Variants in AQR observed in about 807,000 individuals in gnomAD.
The protein encoded by AQR is RNA helicase aquarius.
Under a neutral mutation model 180.5 loss-of-function variants are expected in AQR, and 61 were observed. The ratio of observed to expected loss-of-function variants is 0.34; its 90% CI spans 0.28 to 0.42. AQR has a LOEUF of 0.42. Ranked by LOEUF, AQR falls within the 10% of genes least tolerant of loss-of-function variation. The pLI is 1.00. For synonymous variants in AQR, 551 were observed against 588.8 expected, an observed-to-expected ratio of 0.94 and a Z score of 0.93; for missense variants, 1,281 against 1,798.3, an observed-to-expected ratio of 0.71 and a Z score of 5.20.
At chr15:34,959,144 A>G (rs1204889417) in intron 3 of AQR, among the ~76,000 whole-genome samples, 2 of 152,120 alleles carry the variant, frequency 1.3e-5, no homozygotes, top group Admixed American at 6.6e-5. Context: ...GCTAATACAA[A>G]GTAGGCTCAA....
At position 34,860,096 on chromosome 15, in the gene AQR, G is replaced by C. The variant is rs1892648869; in HGVS notation, c.4089C>G (p.Asn1363Lys). Residue 1363 changes from asparagine (N) to lysine (K), a missense_variant, in exon 34 of 35, where the codon AAC (asparagine) becomes AAG (lysine). Coordinates refer to ENST00000156471, the MANE Select transcript of AQR (RefSeq NM_014691.3). ...QIIKNMPQMA[N>K]FVYNMYMHLI... Reference sequence around the variant, plus strand: ...AATGCATGTACATGTTGTATACAAAGTTTGCCATCTGGGGCATATTTTTTA... The same window carrying C: ...AATGCATGTACATGTTGTATACAAACTTTGCCATCTGGGGCATATTTTTTA... 6.6e-7 allele frequency: 1 copy of C among 1,525,322 alleles called. No homozygotes were observed. The highest frequency in any genetic ancestry group is 1.8e-5 in the Admixed American group (1 of 56,244). The allele number at this position is 1,525,322 out of a possible 1,614,324, so 94.5% of individuals were successfully genotyped here.
Position 34,969,689 on chromosome 15 carries a change from TAA to T in AQR, c.-78_-77del. ...AGCGGCAACCCTGGTCCACTTCCCT[TAA>T]GTTACTGCCGGGGCGCTTAACTCCG... On this transcript the variant is annotated 5_prime_UTR_variant, in exon 1 of 35. Transcript: ENST00000156471. 6.9e-7 allele frequency: 1 copy of T among 1,455,784 alleles called. No homozygotes were observed. The highest frequency in any genetic ancestry group is 9.3e-7 in the Non-Finnish European group (1 of 1,075,392). The allele number at this position is 1,455,784 out of a possible 1,614,324, so 90.2% of individuals were successfully genotyped here.
At chr15:34,860,452 A>T (rs748649184) in intron 33 of AQR, among the ~76,000 whole-genome samples, 5 of 152,046 alleles carry the variant, frequency 3.3e-5, no homozygotes, top group Non-Finnish European at 7.4e-5. Context: ...ATTCCATTGA[A>T]ATTTAGAAAG....
chr15:34,964,193 T>C (rs1340395151), intron 2 of AQR, 41 bp downstream of exon 2: 7 of 1,369,250 alleles, frequency 5.1e-6, no homozygotes, highest in African/African-American at 2.8e-5. Context: ...TTAAAAGGAG[T>C]GTAACTTCTC....
At chr15:34,894,230 GA>G (rs1325505599) in intron 22 of AQR, among the ~76,000 whole-genome samples, 3 of 143,922 alleles carry the variant, frequency 2.1e-5, no homozygotes, top group Admixed American at 6.9e-5. Context: ...AAAAAGCAAA[GA>G]AAAAAAAAAG....
intron 13 of AQR, among the ~76,000 whole-genome samples, chr15:34,924,789 T>C (rs943370708): frequency 6.6e-6 from 1 of 152,162 alleles, no homozygotes; most frequent in African/African-American, 2.4e-5. Context: ...TTTTTATTTC[T>C]ACTATAGTGA....
At chr15:34,884,407 AAAAAAAACAAAAAAAC>A (rs368049142) in intron 26 of AQR, 102 bp downstream of exon 26, 2 of 995,170 alleles carry the variant, frequency 2.0e-6, no homozygotes, top group Non-Finnish European at 2.9e-6. Context: ...CTCCGTCTCA[AAAAAAAACAAAAAAAC>A]AAAAAAACAA....
intron 32 of AQR, among the ~76,000 whole-genome samples, chr15:34,864,642 A>G (rs549455457): frequency 3.7e-4 from 56 of 152,290 alleles, no homozygotes; most frequent in Non-Finnish European, 5.1e-4. Flanking sequence ...TGGTGGAAGC[A>G]GGTGATAAAC....
intron 13 of AQR, among the ~76,000 whole-genome samples, chr15:34,925,767 A>G (rs1295592041): frequency 6.6e-6 from 1 of 151,948 alleles, no homozygotes; most frequent in Non-Finnish European, 1.5e-5. Context: ...CAGGAGGCAG[A>G]GGTTGCAGTG....
At chr15:34,863,495 T>C (rs62006145) in intron 32 of AQR, among the ~76,000 whole-genome samples, 5,990 of 152,246 alleles carry the variant, frequency 0.039, 181 homozygotes, top group Non-Finnish European at 0.048. Flanking sequence ...TAAGTACATA[T>C]GGAAATACAG....
chr15:34,913,630 TGGCATTTA>T, intron 16 of AQR, among the ~76,000 whole-genome samples: 1 of 152,346 alleles, frequency 6.6e-6, no homozygotes, highest in Non-Finnish European at 1.5e-5. Flanking sequence ...TTGTTGCACT[TGGCATTTA>T]AGTAAAATAT....
In AQR at chr15:34,886,661, C is replaced by T. The variant is rs762861171; in HGVS notation, c.2682G>A (p.Arg894=). Residue 894 remains arginine, a splice_region_variant and synonymous_variant, in exon 25 of 35, where the codon AGG becomes AGA. Coordinates refer to ENST00000156471, the MANE Select transcript of AQR (RefSeq NM_014691.3). ...CCAGAACATAATTAACTCTTCCATACCTAGACATTTCAATTAGGCAAAATG... is the reference window on the plus strand; with the variant it reads ...CCAGAACATAATTAACTCTTCCATATCTAGACATTTCAATTAGGCAAAATG... ...EELETEKDFS[R]YGRVNYVLAR... The T allele has an allele frequency of 1.3e-6, 2 of 1,598,586 alleles. No individual in the cohort carries two copies. Among genetic ancestry groups the T allele is most frequent in the Non-Finnish European group, 1.7e-6 (2 of 1,176,126 alleles).
chr15:34,877,479 A>G (rs1371377613), intron 27 of AQR, among the ~76,000 whole-genome samples: 2 of 151,924 alleles, frequency 1.3e-5, no homozygotes, highest in Non-Finnish European at 2.9e-5. Flanking sequence ...TTTCCCTATT[A>G]TAATGATTAG....
intron 15 of AQR, among the ~76,000 whole-genome samples, chr15:34,917,323 C>G (rs997688940): frequency 6.6e-6 from 1 of 152,172 alleles, no homozygotes; most frequent in African/African-American, 2.4e-5. Flanking sequence ...ATTTCTTCTA[C>G]TAATGATGCC....
At position 34,886,522 on chromosome 15, in the gene AQR, T is replaced by C. The variant is rs781432838; in HGVS notation, c.2817+4A>G. The C allele has an allele frequency of 3.7e-6, 6 of 1,600,118 alleles. No individual in the cohort carries two copies. Among genetic ancestry groups the C allele is most frequent in the Non-Finnish European group, 5.1e-6 (6 of 1,176,678 alleles). On this transcript the variant is annotated splice_donor_region_variant and intron_variant, in intron 25 of 34. Transcript: ENST00000156471. ...GTATGATTCAAAAACCCTTAATATC[T>C]TACCTGGTATAAGAAGAAATAGCCT...
At chr15:34,907,488 A>C (rs925482172) in intron 17 of AQR, among the ~76,000 whole-genome samples, 2 of 152,248 alleles carry the variant, frequency 1.3e-5, no homozygotes, top group African/African-American at 4.8e-5. Context: ...CATGACATAA[A>C]TGTAAATGTA....
intron 24 of AQR, among the ~76,000 whole-genome samples, chr15:34,887,824 T>C (rs1447375675): frequency 6.6e-6 from 1 of 152,164 alleles, no homozygotes; most frequent in Non-Finnish European, 1.5e-5. Flanking sequence ...TAAAACATGA[T>C]CTATGCTTGA....
intron 7 of AQR, 143 bp downstream of exon 7, chr15:34,941,869 C>A: frequency 2.3e-6 from 1 of 440,744 alleles, no homozygotes; most frequent in Non-Finnish European, 3.9e-6. Flanking sequence ...AAAACTATAT[C>A]TATGAAAAGT....
At chr15:34,960,559 C>T (rs562346734) in intron 3 of AQR, among the ~76,000 whole-genome samples, 1 of 152,042 alleles carries the variant, frequency 6.6e-6, no homozygotes, top group African/African-American at 2.4e-5. Context: ...CCAAATAAAC[C>T]CTATGGGATT....
Sources: gnomAD v4.1 joint callset for allele counts (sites outside exome capture counted in the v4.1 genomes callset) on GRCh38, gnomAD v4.1.1 for gene constraint, MANE v1.5 for transcripts, NCBI Gene and HGNC (gene_info 2026-07-23, HGNC 2026-07-21) for gene names.